Variants in CC2D1B observed in about 807,000 individuals in gnomAD.
CC2D1B encodes the protein coiled-coil and C2 domain-containing protein 1B.
CC2D1B carries 92 observed loss-of-function variants against 110.8 expected under a neutral mutation model. The ratio of observed to expected loss-of-function variants is 0.83; its 90% CI spans 0.70 to 0.99. The LOEUF (loss-of-function observed/expected upper bound fraction) is 0.99, where lower values mean the gene tolerates loss of function less well. Ranked by LOEUF, CC2D1B falls within the 50% of genes least tolerant of loss-of-function variation. The pLI is 0.00. For synonymous variants in CC2D1B, 406 were observed against 429.2 expected (o/e 0.95, Z 0.67); for missense variants, 1,136 against 1,089.0 (o/e 1.04, Z -0.61).
At chr1:52,361,487 C>A (rs1229599070) in intron 4 of CC2D1B, 26 bp downstream of exon 4, 1 of 1,613,456 alleles carries the variant, frequency 6.2e-7, no homozygotes. Flanking sequence ...CCTCAGAGCC[C>A]TGGGATACCA....
Position 52,361,571 on chromosome 1 carries a change from A to G in CC2D1B, c.260T>C (p.Met87Thr). The G allele has an allele frequency of 1.2e-6, 2 of 1,613,716 alleles. No homozygotes were observed. Among genetic ancestry groups the G allele is most frequent in the Non-Finnish European group, 8.5e-7 (1 of 1,179,960 alleles). The change falls in exon 4 of 25, where the codon ATG (methionine) becomes ACG (threonine). Residue 87 changes from methionine (M) to threonine (T), a missense_variant. Transcript: ENST00000284376. ...AHIEKLAADC[M>T]RDVEEEEEEE... ...CTCCTCCTCCTCCTCCACATCCCGC[A>G]TACAGTCTGCCGCCAACTTCTCGAT...
intron 13 of CC2D1B, 130 bp downstream of exon 13, chr1:52,358,201 G>GT (rs1434345012): frequency 2.9e-6 from 4 of 1,361,524 alleles, no homozygotes; most frequent in African/African-American, 1.5e-5. Context: ...CCTTGGGCAA[G>GT]TTTTTTCTCT....
chr1:52,356,757 G>A (rs189792825), intron 16 of CC2D1B: 17 of 596,938 alleles, frequency 2.8e-5, no homozygotes, highest in East Asian at 8.4e-5. Flanking sequence ...AAACATACAC[G>A]CACATCACAA....
At chr1:52,354,548 C>T (rs1646601264) in intron 23 of CC2D1B, 60 bp downstream of exon 23, 2 of 1,305,032 alleles carry the variant, frequency 1.5e-6, no homozygotes, top group African/African-American at 1.5e-5. Context: ...GTGTGGCATT[C>T]AGTGCGTATT....
At chr1:52,362,562 C>T in intron 3 of CC2D1B, 40 bp downstream of exon 3, 1 of 1,613,100 alleles carries the variant, frequency 6.2e-7, no homozygotes, top group Non-Finnish European at 8.5e-7. Flanking sequence ...CTGTGCCCAT[C>T]TTGTCCCAGC....
intron 2 of CC2D1B, among the ~76,000 whole-genome samples, chr1:52,363,319 C>T (rs978998748): frequency 2.0e-5 from 3 of 149,656 alleles, no homozygotes; most frequent in Admixed American, 6.7e-5. Flanking sequence ...GGCGTGAACC[C>T]GGGAGATGGA....
Position 52,362,657 on chromosome 1 carries a change from C to G in CC2D1B, c.159G>C (p.Leu53=). 2 of 1,614,204 alleles carry G rather than the reference C, an allele frequency of 1.2e-6. No individual in the cohort carries two copies. The highest frequency in any genetic ancestry group is 1.7e-6 in the Non-Finnish European group (2 of 1,180,042). The change falls in exon 3 of 25, where the codon CTG becomes CTC. Residue 53 remains leucine (L), a synonymous_variant. Coordinates refer to ENST00000284376, the MANE Select transcript of CC2D1B (RefSeq NM_001330585.2). ...EDDEDLEAEL[L]ALTGEAQTTG... Reference sequence around the variant, plus strand: ...TGGTTTGTGCTTCCCCTGTGAGAGCCAGCAGCTCAGCCTCCAGGTCCTCAT... The same window carrying G: ...TGGTTTGTGCTTCCCCTGTGAGAGCGAGCAGCTCAGCCTCCAGGTCCTCAT...
intron 8 of CC2D1B, 84 bp downstream of exon 8, chr1:52,359,621 A>C: frequency 6.4e-7 from 1 of 1,559,134 alleles, no homozygotes; most frequent in Non-Finnish European, 8.7e-7. Flanking sequence ...GGCCAATCTC[A>C]CTCAATCTCA....
chr1:52,356,851 AGAG>A (rs2147891233), intron 16 of CC2D1B, 147 bp downstream of exon 16: 3 of 867,192 alleles, frequency 3.5e-6, no homozygotes, highest in Non-Finnish European at 5.2e-6. Flanking sequence ...AATGTAGTTC[AGAG>A]AAGAAAGTGC....
intron 15 of CC2D1B, 40 bp from the exon 16 acceptor site, chr1:52,357,166 A>C (rs751781568): frequency 1.2e-5 from 19 of 1,610,556 alleles, no homozygotes; most frequent in Admixed American, 1.0e-4. Flanking sequence ...CAAGAGTCAG[A>C]TTACTCCTCT....
At chr1:52,359,953 G>A in intron 7 of CC2D1B, 70 bp from the exon 8 acceptor site, 1 of 1,561,542 alleles carries the variant, frequency 6.4e-7, no homozygotes, top group African/African-American at 1.3e-5. Flanking sequence ...GGACTTCACT[G>A]GCTTGAGGAT....
At chr1:52,360,383 A>C (rs1183938972) in intron 6 of CC2D1B, 41 bp downstream of exon 6, 1 of 1,604,820 alleles carries the variant, frequency 6.2e-7, no homozygotes. Flanking sequence ...CCTTTCATGC[A>C]GCCCCCTCCC....
Position 52,359,841 on chromosome 1 carries a change from G to A in CC2D1B, c.806C>T (p.Ala269Val), listed in dbSNP as rs373271493. 6.2e-7 allele frequency: 1 copy of A among 1,612,036 alleles called. No individual in the cohort carries two copies. The highest frequency in any genetic ancestry group is 8.5e-7 in the Non-Finnish European group (1 of 1,179,088). ...TGGGTCTAAGTCTGAAACGGGCTGGGCAGAAATGCCAGGGAGGCTGGTCTC... is the reference window on the plus strand; with the variant it reads ...TGGGTCTAAGTCTGAAACGGGCTGGACAGAAATGCCAGGGAGGCTGGTCTC... ...QPETSLPGIS[A>V]QPVSDLDPDP... The change falls in exon 8 of 25, where the codon GCC (alanine) becomes GTC (valine). Residue 269 changes from alanine to valine, a missense_variant. Ala to Val is a moderately conservative substitution (Grantham distance 64). Coordinates refer to ENST00000284376, the MANE Select transcript of CC2D1B (RefSeq NM_001330585.2).
In CC2D1B at chr1:52,359,271, G is replaced by A; in HGVS notation, c.1105C>T (p.Pro369Ser). The change falls in exon 10 of 25, where the codon CCT (proline) becomes TCT (serine). Residue 369 changes from proline to serine, a missense_variant. By Grantham distance (74) the Pro-to-Ser change is moderately conservative (BLOSUM62 -1). Coordinates refer to ENST00000284376, the MANE Select transcript of CC2D1B (RefSeq NM_001330585.2). Reference protein sequence around the residue: ...AVERVQPVMAPDVPATPVAPT... With the variant: ...AVERVQPVMASDVPATPVAPT... ...CTACCTGGGGTTGCTGGGACGTCAG[G>A]GGCCATCACTGGCTGCACTCGCTCC... 1.2e-6 allele frequency: 2 copies of A among 1,612,862 alleles called. No homozygotes were observed. The highest frequency in any genetic ancestry group is 1.7e-6 in the Non-Finnish European group (2 of 1,179,406).
rs772022103 is a variant in CC2D1B, at chr1:52,352,928, G to A, written c.*297C>T. 5.6e-5 allele frequency: 16 copies of A among 287,898 alleles called. No homozygotes were observed. The highest frequency in any genetic ancestry group is 1.1e-4 in the Non-Finnish European group (15 of 141,544). The allele number at this position is 287,898 out of a possible 1,614,324, so 17.8% of individuals were successfully genotyped here. The stretch of plus-strand genomic sequence containing the variant: ...CACAGTTGCCACGCAGGGGTTAAGG[G>A]GCTGCAGGACTCCATGGTACAGAGG... On this transcript the variant is annotated 3_prime_UTR_variant, in exon 25 of 25. Transcript: ENST00000284376.
In CC2D1B at chr1:52,357,100, C is replaced by T. The variant is rs778783704; in HGVS notation, c.1779G>A (p.Glu593=). ...SKVPSPLTDE[E]GDFILIHHED... is the part of the protein sequence containing the mutation. The stretch of plus-strand genomic sequence containing the variant: ...CATGGTGGATGAGGATGAAGTCACC[C>T]TCCTCATCCGTCAAGGGCGAAGGCA... Residue 593 remains glutamate, a synonymous_variant, in exon 16 of 25, where the codon GAG becomes GAA. Transcript: ENST00000284376. 2 of 1,613,530 alleles carry T rather than the reference C, an allele frequency of 1.2e-6. No individual in the cohort carries two copies. Among genetic ancestry groups the T allele is most frequent in the Non-Finnish European group, 1.7e-6 (2 of 1,179,842 alleles).
rs1031107031 is a variant in CC2D1B, at chr1:52,361,277, T to C, written c.319-145A>G. On this transcript the variant is annotated intron_variant, in intron 4 of 24. Transcript: ENST00000284376. ...AGTCCCCTTCACCAAAACATTTCTT[T>C]AATCTGACCGAGGATAGCCTTGAAA... is the stretch of plus-strand genomic sequence containing the variant. The C allele has an allele frequency of 2.4e-6, 3 of 1,226,568 alleles. No individual in the cohort carries two copies. The Admixed American group carries it at 6.8e-5, about 28-fold the overall frequency. 76.0% of individuals were successfully genotyped at this position (1,226,568 alleles called of 1,614,324 possible).
rs142040043 is a variant in CC2D1B at position 52,359,788 on chromosome 1, G to C, written c.859C>G (p.Gln287Glu). Residue 287 changes from glutamine (Q) to glutamate (E), a missense_variant, in exon 8 of 25, where the codon CAG (glutamine) becomes GAG (glutamate). Transcript: ENST00000284376. ...AGGGCAGCCACTTTGTACTCTCTCTGTCGGGATGACAGCAGGGCCCGCGGG... is the reference window on the plus strand; with the variant it reads ...AGGGCAGCCACTTTGTACTCTCTCTCTCGGGATGACAGCAGGGCCCGCGGG... ...PDPRALLSSRQREYKVAALSA... is the reference protein window; with the variant it reads ...PDPRALLSSREREYKVAALSA... 162 of 1,611,514 alleles carry C rather than the reference G, an allele frequency of 1.0e-4. No individual in the cohort carries two copies. In the African/African-American group the frequency reaches 1.8e-3, roughly 18 times the overall value.
rs1336652397 is a variant in CC2D1B, at chr1:52,358,809, C to T, written c.1258-51G>A. ...TGTGGTCGGCAGCAGCCCACAGGCCCCCTGCCCAACATGACACACAGTGGG... is the reference window on the plus strand; with the variant it reads ...TGTGGTCGGCAGCAGCCCACAGGCCTCCTGCCCAACATGACACACAGTGGG... On this transcript the variant is annotated intron_variant, in intron 11 of 24. Coordinates refer to ENST00000284376, the MANE Select transcript of CC2D1B (RefSeq NM_001330585.2). The T allele has an allele frequency of 3.9e-6, 6 of 1,551,328 alleles. No individual in the cohort carries two copies. In the East Asian group the frequency reaches 6.8e-5, roughly 17 times the overall value.
Sources: gnomAD v4.1 joint callset for allele counts (sites outside exome capture counted in the v4.1 genomes callset) on GRCh38, gnomAD v4.1.1 for gene constraint, MANE v1.5 for transcripts, NCBI Gene and HGNC (gene_info 2026-07-23, HGNC 2026-07-21) for gene names.